HIPK2: variants seen among roughly 807,000 people sequenced by gnomAD.
HIPK2 encodes the protein homeodomain-interacting protein kinase 2.
HIPK2 carries 27 observed loss-of-function variants against 113.7 expected under a neutral mutation model. The observed-to-expected ratio is 0.24, with a 90% CI of 0.17 to 0.33. The LOEUF is 0.33. Ranked by LOEUF, HIPK2 falls within the 10% of genes least tolerant of loss-of-function variation. HIPK2 has a pLI of 1.00. For synonymous variants in HIPK2, 631 were observed against 642.2 expected (o/e 0.98, Z 0.26); for missense variants, 1,257 against 1,588.0 (o/e 0.79, Z 3.54).
chr7:139,623,819 T>C (rs944952768), intron 6 of HIPK2, among the ~76,000 whole-genome samples: 5 of 152,178 alleles, frequency 3.3e-5, no homozygotes, highest in Non-Finnish European at 7.3e-5. Context: ...GGGCCCGCCA[T>C]GATACGCACA....
Position 139,600,566 on chromosome 7 carries a change from A to G in HIPK2, c.2286T>C (p.Asn762=), listed in dbSNP as rs142331621. ...ATAGTGCAGGCTGCTGCATGATGGG[A>G]TTATAATGGCTTCCGTGAGCATGCG... ...RNTHAHGSHY[N]PIMQQPALLT... The change falls in exon 11 of 15, where the codon AAT becomes AAC. Residue 762 remains asparagine (N), a synonymous_variant. Transcript: ENST00000406875. 5.0e-4 allele frequency: 805 copies of G among 1,613,976 alleles called. 3 individuals are homozygous for G. In the African/African-American group the frequency reaches 9.4e-3, roughly 19 times the overall value.
chr7:139,682,791 G>A (rs1794089091), intron 2 of HIPK2, among the ~76,000 whole-genome samples: 1 of 152,214 alleles, frequency 6.6e-6, no homozygotes, highest in Admixed American at 6.5e-5. Context: ...GACAGAAGGC[G>A]CTGGAAGACT....
At chr7:139,668,654 T>C (rs1474844687) in intron 2 of HIPK2, among the ~76,000 whole-genome samples, 1 of 152,122 alleles carries the variant, frequency 6.6e-6, no homozygotes, top group Non-Finnish European at 1.5e-5. Flanking sequence ...TGGATAAATA[T>C]CTGAAGTTTG....
At chr7:139,700,125 TG>T (rs1359487179) in intron 2 of HIPK2, among the ~76,000 whole-genome samples, 33 of 151,424 alleles carry the variant, frequency 2.2e-4, no homozygotes, top group African/African-American at 6.6e-4. Context: ...CTGTGCGAGG[TG>T]GGGGGAGGGG....
intron 2 of HIPK2, among the ~76,000 whole-genome samples, chr7:139,644,584 C>A (rs569296529): frequency 6.6e-6 from 1 of 152,214 alleles, no homozygotes; most frequent in Non-Finnish European, 1.5e-5. Flanking sequence ...ATCATGGATC[C>A]TTTTGTTGAC....
At chr7:139,585,952 A>ACCT (rs1798821017) in intron 12 of HIPK2, among the ~76,000 whole-genome samples, 1 of 152,224 alleles carries the variant, frequency 6.6e-6, no homozygotes, top group Non-Finnish European at 1.5e-5. Context: ...TATACAAAGA[A>ACCT]ATATGTGTCT....
chr7:139,705,487 C>T (rs1794864234), intron 2 of HIPK2, among the ~76,000 whole-genome samples: 1 of 152,144 alleles, frequency 6.6e-6, no homozygotes, highest in South Asian at 2.1e-4. Context: ...TGCCATTCTC[C>T]TGCCTCAGCC....
chr7:139,737,630 A>G (rs1178498923), intron 1 of HIPK2, among the ~76,000 whole-genome samples: 1 of 152,162 alleles, frequency 6.6e-6, no homozygotes, highest in Non-Finnish European at 1.5e-5. Context: ...CTACACCAGG[A>G]GTTTGGGGCC....
At chr7:139,754,315 C>A (rs1157345972) in intron 1 of HIPK2, among the ~76,000 whole-genome samples, 1 of 152,208 alleles carries the variant, frequency 6.6e-6, no homozygotes, top group African/African-American at 2.4e-5. Flanking sequence ...ACTTTTGAGT[C>A]AGAGAAACAT....
intron 2 of HIPK2, among the ~76,000 whole-genome samples, chr7:139,646,248 C>T (rs529561240): frequency 3.3e-5 from 5 of 152,238 alleles, no homozygotes; most frequent in African/African-American, 1.2e-4. Flanking sequence ...GCACTGCCAG[C>T]ACTTTGGGAA....
At chr7:139,747,000 T>TC (rs1219081815) in intron 1 of HIPK2, among the ~76,000 whole-genome samples, 1 of 152,186 alleles carries the variant, frequency 6.6e-6, no homozygotes, top group Non-Finnish European at 1.5e-5. Context: ...AATTTTTAAA[T>TC]TATACCACGC....
intron 2 of HIPK2, among the ~76,000 whole-genome samples, chr7:139,715,511 CT>C (rs1316519493): frequency 6.6e-6 from 1 of 152,256 alleles, no homozygotes; most frequent in Non-Finnish European, 1.5e-5. Context: ...TCCAACCAGG[CT>C]TTCACTCACA....
Position 139,573,380 on chromosome 7 carries a change from G to T in HIPK2, c.3144C>A (p.Thr1048=), listed in dbSNP as rs1798377086. The part of the protein sequence containing the change: ...LNLSQAQQHI[T]TDRTGSHRRQ... ...TTCGGTGGCTCCCAGTGCGGTCCGT[G>T]GTGATGTGCTGCTGAGCCTGGGGAG... Residue 1048 remains threonine (T), a synonymous_variant, in exon 15 of 15, where the codon ACC becomes ACA. Transcript: ENST00000406875. The T allele has an allele frequency of 1.2e-6, 2 of 1,603,836 alleles. No homozygotes were observed.
chr7:139,687,526 G>C (rs988198535), intron 2 of HIPK2, among the ~76,000 whole-genome samples: 2 of 152,202 alleles, frequency 1.3e-5, no homozygotes, highest in Non-Finnish European at 2.9e-5. Context: ...GACTAACATA[G>C]TAAATACAGG....
At chr7:139,710,380 TA>T (rs1192061288) in intron 2 of HIPK2, among the ~76,000 whole-genome samples, 1 of 152,222 alleles carries the variant, frequency 6.6e-6, no homozygotes, top group African/African-American at 2.4e-5. Context: ...ACTTCCCTGT[TA>T]ACCCATCTGG....
intron 2 of HIPK2, among the ~76,000 whole-genome samples, chr7:139,664,627 A>G (rs1215175896): frequency 6.6e-6 from 1 of 151,936 alleles, no homozygotes; most frequent in African/African-American, 2.4e-5. Flanking sequence ...ATGGCGCAAC[A>G]TCCCTTTCAG....
chr7:139,600,697 T>C (rs1799394403), intron 10 of HIPK2, 101 bp from the exon 11 acceptor site: 5 of 1,340,410 alleles, frequency 3.7e-6, no homozygotes, highest in Non-Finnish European at 5.2e-6. Flanking sequence ...TGACTGCAGT[T>C]GGTTATCTCA....
At chr7:139,649,049 G>A (rs1053969162) in intron 2 of HIPK2, among the ~76,000 whole-genome samples, 21 of 150,126 alleles carry the variant, frequency 1.4e-4, no homozygotes, top group Non-Finnish European at 2.8e-4. Context: ...CTAAGGGGAA[G>A]TTCAGAAAAA....
chr7:139,749,220 A>G (rs1267738421), intron 1 of HIPK2, among the ~76,000 whole-genome samples: 6 of 152,358 alleles, frequency 3.9e-5, no homozygotes, highest in South Asian at 2.1e-4. Context: ...GGTCACTGTC[A>G]TCATACAAAT....
Sources: allele counts gnomAD v4.1 joint callset (sites outside exome capture counted in the v4.1 genomes callset), GRCh38; gene constraint gnomAD v4.1.1; transcripts MANE v1.5; gene names NCBI Gene and HGNC (gene_info 2026-07-23, HGNC 2026-07-21).